SUSD1: variants seen among roughly 807,000 people sequenced by gnomAD.
The protein encoded by SUSD1 is sushi domain-containing protein 1.
Under a neutral mutation model 86.9 loss-of-function variants are expected in SUSD1, and 65 were observed. The ratio of observed to expected loss-of-function variants is 0.75; its 90% CI spans 0.61 to 0.92. The LOEUF (loss-of-function observed/expected upper bound fraction) is 0.92. SUSD1 is among the 40% of genes least tolerant of loss of function. The pLI is 0.00. For missense variants in SUSD1, 850 were observed against 929.7 expected (o/e 0.91, Z 1.11); for synonymous variants, 346 against 350.0 (o/e 0.99, Z 0.13).
intron 1 of SUSD1, chr9:112,173,567 A>T: frequency 2.7e-6 from 1 of 369,834 alleles, no homozygotes. Context: ...CGGGAGTCTG[A>T]GCTGGAACTG....
At chr9:112,082,810 T>C (rs1056094609) in intron 10 of SUSD1, among the ~76,000 whole-genome samples, 1 of 152,164 alleles carries the variant, frequency 6.6e-6, no homozygotes, top group Admixed American at 6.5e-5. Context: ...CTTGACCTCC[T>C]GAGCTCAAGT....
At chr9:112,109,102 A>G (rs569908359) in intron 8 of SUSD1, among the ~76,000 whole-genome samples, 2 of 152,288 alleles carry the variant, frequency 1.3e-5, no homozygotes, top group African/African-American at 4.8e-5. Context: ...CCAAATATAC[A>G]TTTTTTAGAA....
At chr9:112,157,031 T>A (rs1589741490) in intron 2 of SUSD1, among the ~76,000 whole-genome samples, 2 of 152,250 alleles carry the variant, frequency 1.3e-5, no homozygotes, top group East Asian at 3.9e-4. Context: ...CCTAAAAGTA[T>A]CACAACTACC....
At position 112,041,426 on chromosome 9, in the gene SUSD1, C is replaced by A. The variant is rs1189826412; in HGVS notation, c.*66G>T. On this transcript the variant is annotated 3_prime_UTR_variant, in exon 17 of 17. Transcript: ENST00000374270. Reference sequence around the variant, plus strand: ...GTCACACGGAGCCTCTGTGCGGGCACCTGAGAAGCTGCCAGAACACCTGCC... The same window carrying A: ...GTCACACGGAGCCTCTGTGCGGGCAACTGAGAAGCTGCCAGAACACCTGCC... The A allele has an allele frequency of 1.7e-5, 13 of 780,464 alleles. No individual in the cohort carries two copies. Among genetic ancestry groups the A allele is most frequent in the Non-Finnish European group, 2.4e-5 (10 of 418,084 alleles). 48.3% of individuals were successfully genotyped at this position (780,464 alleles called of 1,614,324 possible). A position where few individuals can be genotyped will look rare whatever the true frequency, so the allele number is the denominator to read the frequency against.
At chr9:112,084,869 CAA>C (rs1285074861) in intron 10 of SUSD1, among the ~76,000 whole-genome samples, 2 of 152,056 alleles carry the variant, frequency 1.3e-5, no homozygotes, top group Non-Finnish European at 2.9e-5. Flanking sequence ...AAGAATGCCT[CAA>C]AAAAGAGAAA....
intron 2 of SUSD1, among the ~76,000 whole-genome samples, chr9:112,154,335 CAAAAA>C (rs887833151): frequency 1.4e-5 from 1 of 70,418 alleles, no homozygotes. Context: ...CACACACACA[CAAAAA>C]AAAAAAAAAA....
chr9:112,097,643 C>A (rs952482639), intron 10 of SUSD1, among the ~76,000 whole-genome samples: 6 of 151,996 alleles, frequency 3.9e-5, no homozygotes, highest in Non-Finnish European at 8.8e-5. Context: ...AGGTGATCTG[C>A]CAGCCTCGGC....
chr9:112,149,257 GCCA>G lies in SUSD1; in HGVS notation c.357_359del (p.Gly120del). 1 of 1,614,180 alleles carries G rather than the reference GCCA, an allele frequency of 6.2e-7. No individual in the cohort carries two copies. Among genetic ancestry groups the G allele is most frequent in the Non-Finnish European group, 8.5e-7 (1 of 1,180,028 alleles). On this transcript the variant is annotated inframe_deletion, in exon 3 of 17. Coordinates refer to ENST00000374270, the MANE Select transcript of SUSD1 (RefSeq NM_022486.5). ...CTTCTTGAGTACCTGTACAAAAGGT[GCCA>G]TCGTTGGGAATGAATGTCTTGTTGT...
chr9:112,157,252 T>C (rs1833366972), intron 2 of SUSD1, among the ~76,000 whole-genome samples: 1 of 152,224 alleles, frequency 6.6e-6, no homozygotes, highest in South Asian at 2.1e-4. Context: ...AAATTTGTGT[T>C]AGGTCCCAGA....
chr9:112,099,693 T>C (rs193028299), intron 9 of SUSD1, among the ~76,000 whole-genome samples: 23 of 152,334 alleles, frequency 1.5e-4, no homozygotes, highest in Admixed American at 1.4e-3. Flanking sequence ...CATTAGCTGG[T>C]GGAGACATAT....
chr9:112,097,556 C>T (rs985308429), intron 10 of SUSD1, among the ~76,000 whole-genome samples: 3 of 151,706 alleles, frequency 2.0e-5, no homozygotes, highest in Non-Finnish European at 2.9e-5. Flanking sequence ...CACCACCATG[C>T]CCAGCTAATT....
At chr9:112,098,229 G>A (rs555674569) in intron 10 of SUSD1, among the ~76,000 whole-genome samples, 106 of 152,224 alleles carry the variant, frequency 7.0e-4, no homozygotes, top group Non-Finnish European at 1.4e-3. Flanking sequence ...GGACTCCCAG[G>A]GAGCTCTGAA....
intron 12 of SUSD1, among the ~76,000 whole-genome samples, chr9:112,076,766 A>T (rs1479807136): frequency 1.3e-5 from 2 of 152,200 alleles, no homozygotes; most frequent in Non-Finnish European, 2.9e-5. Context: ...AAGTAGATGG[A>T]GCTAGCAAAG....
intron 5 of SUSD1, among the ~76,000 whole-genome samples, chr9:112,133,655 T>C (rs760388453): frequency 3.3e-5 from 5 of 152,138 alleles, no homozygotes; most frequent in Admixed American, 1.3e-4. Context: ...ACATCAGCCT[T>C]GGGAAATAGT....
At chr9:112,078,494 CT>C in intron 12 of SUSD1, 43 bp downstream of exon 12, 1 of 1,562,816 alleles carries the variant, frequency 6.4e-7, no homozygotes, top group East Asian at 2.3e-5. Context: ...ATGAACAATT[CT>C]GTGGTAACTT....
chr9:112,175,218 C>A lies in SUSD1; in HGVS notation c.18G>T (p.Trp6Cys). The change falls in exon 1 of 17, where the codon TGG (tryptophan) becomes TGT (cysteine). Residue 6 changes from tryptophan to cysteine, a missense_variant. Transcript: ENST00000374270. The surrounding 1 kb of genome is among the most constrained non-coding windows in gnomAD (Gnocchi z 4.7). Reference sequence around the variant, plus strand: ...GCAGGCGGCGAGACGGGCCCGCATCCCAGGGCCCCCGGCCCATGCCGCCGC... The same window carrying A: ...GCAGGCGGCGAGACGGGCCCGCATCACAGGGCCCCCGGCCCATGCCGCCGC... MGRGP[W>C]DAGPSRRLLP... The A allele has an allele frequency of 6.0e-6, 7 of 1,159,160 alleles. No individual in the cohort carries two copies. The highest frequency in any genetic ancestry group is 7.4e-6 in the Non-Finnish European group (7 of 943,070). 71.8% of individuals were successfully genotyped at this position (1,159,160 alleles called of 1,614,324 possible).
intron 1 of SUSD1, among the ~76,000 whole-genome samples, chr9:112,166,233 C>T (rs1833823527): frequency 6.6e-6 from 1 of 152,230 alleles, no homozygotes. Context: ...TCTCTGACCA[C>T]ACGGGTCCAC....
At chr9:112,075,110 T>C (rs963734641) in intron 12 of SUSD1, among the ~76,000 whole-genome samples, 1 of 151,490 alleles carries the variant, frequency 6.6e-6, no homozygotes, top group Admixed American at 6.6e-5. Context: ...GACCACAGAG[T>C]AGGAAATGGA....
chr9:112,154,081 T>G lies in SUSD1; in HGVS notation c.217+3419A>C, dbSNP rs78136139. ...TTTTCAGCTCCATTATATAATCTTA[T>G]GGGCCCACTGTTGTATATTCGGTCT... is the stretch of plus-strand genomic sequence containing the variant. On this transcript the variant is annotated intron_variant, in intron 2 of 16. Transcript: ENST00000374270. Among the ~76,000 whole-genome samples the G allele has an allele frequency of 3.1e-3, 467 of 152,290 alleles. 1 individual carries two copies. The highest frequency in any genetic ancestry group is 5.4e-3 in the Non-Finnish European group (366 of 68,012).
Sources: gnomAD v4.1 joint callset for allele counts (sites outside exome capture counted in the v4.1 genomes callset) on GRCh38, gnomAD v4.1.1 for gene constraint, Gnocchi (gnomAD v3.1) non-coding constraint, MANE v1.5 for transcripts, NCBI Gene and HGNC (gene_info 2026-07-23, HGNC 2026-07-21) for gene names.